NBEA: variants seen among roughly 807,000 people sequenced by gnomAD.
The protein encoded by NBEA is neurobeachin.
NBEA carries 44 observed loss-of-function variants against 343.4 expected under a neutral mutation model. The ratio of observed to expected loss-of-function variants is 0.13; its 90% CI spans 0.10 to 0.16. The LOEUF is 0.16. NBEA is among the 10% of genes least tolerant of loss of function. The pLI, the probability that NBEA is intolerant of heterozygous loss-of-function variation, is 1.00. For synonymous variants in NBEA, 1,175 were observed against 1,238.7 expected (o/e 0.95, Z 1.08); for missense variants, 2,555 against 3,631.3 (o/e 0.70, Z 7.62).
intron 41 of NBEA, among the ~76,000 whole-genome samples, chr13:35,521,935 C>T (rs1489419076): frequency 6.6e-6 from 1 of 152,114 alleles, no homozygotes; most frequent in Non-Finnish European, 1.5e-5. Context: ...GAATGCGCAA[C>T]CCAGTTTGGA....
chr13:34,947,393 A>T (rs1202681566), intron 1 of NBEA, among the ~76,000 whole-genome samples: 1 of 152,136 alleles, frequency 6.6e-6, no homozygotes, highest in South Asian at 2.1e-4. Context: ...CTTTTGCTAT[A>T]CTTTTCCCAA....
intron 47 of NBEA, among the ~76,000 whole-genome samples, chr13:35,600,594 A>G (rs1593332383): frequency 6.6e-6 from 1 of 152,334 alleles, no homozygotes; most frequent in East Asian, 1.9e-4. Context: ...ATATAAAGTT[A>G]TGAAATGTAT....
intron 33 of NBEA, among the ~76,000 whole-genome samples, chr13:35,225,001 TCTA>T (rs1841389024): frequency 6.6e-6 from 1 of 152,194 alleles, no homozygotes; most frequent in African/African-American, 2.4e-5. Flanking sequence ...TTTAAATTTC[TCTA>T]CTTTTACTTT....
chr13:35,113,586 C>CTATCTATCT (rs1555307444), intron 13 of NBEA, among the ~76,000 whole-genome samples: 3 of 146,694 alleles, frequency 2.0e-5, no homozygotes, highest in South Asian at 2.2e-4. Context: ...CTCCTCCACT[C>CTATCTATCT]ATCTATCTAT....
chr13:35,043,927 A>T (rs954597069), intron 2 of NBEA, among the ~76,000 whole-genome samples: 6 of 152,042 alleles, frequency 3.9e-5, no homozygotes, highest in Non-Finnish European at 7.4e-5. Context: ...TTGCTTTGTA[A>T]TAACCTTTGT....
intron 35 of NBEA, among the ~76,000 whole-genome samples, chr13:35,298,380 A>G (rs1269704971): frequency 6.6e-6 from 1 of 151,428 alleles, no homozygotes; most frequent in Non-Finnish European, 1.5e-5. Context: ...TTAGTTAAAA[A>G]TGATGATCTC....
chr13:35,211,079 T>C lies in NBEA; in HGVS notation c.5548T>C (p.Ser1850Pro). 2 of 1,551,048 alleles carry C rather than the reference T, an allele frequency of 1.3e-6. No individual in the cohort carries two copies. Among genetic ancestry groups the C allele is most frequent in the African/African-American group, 1.4e-5 (1 of 73,172 alleles). Residue 1850 changes from serine (S) to proline (P), a missense_variant, in exon 33 of 59, where the codon TCT (serine) becomes CCT (proline). Ser to Pro is a moderately conservative substitution (Grantham distance 74). This residue lies in a region of NBEA where 84 missense variants were observed against 196.4 expected (regional missense o/e 0.43). Transcript: ENST00000379939. ...TGCCGTGGATTCAGGGTCCTCCTCCTCTTCCTCCTCTTCTAGTTTTGTGAA... is the reference window on the plus strand; with the variant it reads ...TGCCGTGGATTCAGGGTCCTCCTCCCCTTCCTCCTCTTCTAGTTTTGTGAA... ...TGAVDSGSSS[S>P]SSSSSFVNGA... is the part of the protein sequence containing the mutation.
At chr13:35,640,611 CA>C (rs1278687058) in intron 49 of NBEA, among the ~76,000 whole-genome samples, 2 of 152,090 alleles carry the variant, frequency 1.3e-5, no homozygotes, top group Non-Finnish European at 2.9e-5. Flanking sequence ...GTGGGTCCTG[CA>C]GAATTGTATA....
intron 39 of NBEA, among the ~76,000 whole-genome samples, chr13:35,445,702 A>G (rs759934843): frequency 1.3e-5 from 2 of 150,244 alleles, no homozygotes; most frequent in Non-Finnish European, 3.0e-5. Flanking sequence ...ATTAAAGTCC[A>G]GTAGAGAATC....
chr13:35,029,454 T>C (rs995839054), intron 1 of NBEA, among the ~76,000 whole-genome samples: 1 of 151,486 alleles, frequency 6.6e-6, no homozygotes, highest in Non-Finnish European at 1.5e-5. Context: ...TTCTATGAAG[T>C]GAGGGATGGT....
intron 47 of NBEA, among the ~76,000 whole-genome samples, chr13:35,596,980 C>G (rs532574359): frequency 2.0e-5 from 3 of 151,984 alleles, no homozygotes; most frequent in African/African-American, 7.2e-5. Context: ...ACGTCTGGAT[C>G]GGATTTGATT....
chr13:35,189,779 T>C (rs183526544), intron 30 of NBEA, among the ~76,000 whole-genome samples: 207 of 152,120 alleles, frequency 1.4e-3, no homozygotes, highest in African/African-American at 4.8e-3. Context: ...TTTTATGTTA[T>C]TTAAAATAAG....
chr13:35,099,595 T>C (rs2065533178), intron 11 of NBEA, among the ~76,000 whole-genome samples: 1 of 152,202 alleles, frequency 6.6e-6, no homozygotes, highest in Admixed American at 6.5e-5. Flanking sequence ...TGTTATTTTT[T>C]AATTATGCGG....
At chr13:35,084,368 CAAACTG>C (rs370147319) in intron 10 of NBEA, among the ~76,000 whole-genome samples, 16,115 of 151,920 alleles carry the variant, frequency 0.11, 1,006 homozygotes, top group African/African-American at 0.17. Context: ...GAAATTATAA[CAAACTG>C]AAACTGTCTC....
intron 1 of NBEA, among the ~76,000 whole-genome samples, chr13:34,982,719 C>T (rs2060399223): frequency 6.6e-6 from 1 of 152,122 alleles, no homozygotes; most frequent in African/African-American, 2.4e-5. Flanking sequence ...GTGAAAACAC[C>T]ATGAACACTT....
intron 17 of NBEA, among the ~76,000 whole-genome samples, chr13:35,133,247 A>G (rs2067525088): frequency 6.6e-6 from 1 of 152,156 alleles, no homozygotes; most frequent in Non-Finnish European, 1.5e-5. Context: ...CAGTAAACAT[A>G]TGGGTGATAT....
In NBEA at chr13:35,336,295, C is replaced by T. The variant is rs534787235; in HGVS notation, c.5904-12813C>T. 2.2e-4 allele frequency among the ~76,000 whole-genome samples: 34 copies of T among 152,184 alleles called. 1 individual carries two copies. The South Asian group carries it at 6.8e-3, about 31-fold the overall frequency. On this transcript the variant is annotated intron_variant, in intron 36 of 58. Transcript: ENST00000379939. ...GAGACAAATTAAAAAGTACGACCCACACACAGCAAAAAACCAAATCAATAG... is the reference window on the plus strand; with the variant it reads ...GAGACAAATTAAAAAGTACGACCCATACACAGCAAAAAACCAAATCAATAG...
At chr13:35,022,442 T>G (rs1369730184) in intron 1 of NBEA, among the ~76,000 whole-genome samples, 1 of 152,082 alleles carries the variant, frequency 6.6e-6, no homozygotes, top group Admixed American at 6.6e-5. Flanking sequence ...AGAGGACCAG[T>G]GTAAAAGAAA....
At chr13:35,618,795 G>C (rs1330152060) in intron 48 of NBEA, among the ~76,000 whole-genome samples, 3 of 152,102 alleles carry the variant, frequency 2.0e-5, no homozygotes, top group Admixed American at 6.6e-5. Context: ...CCTAATGCTG[G>C]GTTCATCCAT....
Sources: allele counts gnomAD v4.1 joint callset (sites outside exome capture counted in the v4.1 genomes callset), GRCh38; gene constraint gnomAD v4.1.1; regional missense constraint gnomAD v4.1.1; transcripts MANE v1.5; gene names NCBI Gene and HGNC (gene_info 2026-07-23, HGNC 2026-07-21).